PPP1R16B: variants seen among roughly 807,000 people sequenced by gnomAD.
PPP1R16B encodes the protein protein phosphatase 1 regulatory subunit 16B.
PPP1R16B carries 14 observed loss-of-function variants against 61.7 expected under a neutral mutation model. The ratio of observed to expected loss-of-function variants is 0.23; its 90% CI spans 0.15 to 0.35. The LOEUF (loss-of-function observed/expected upper bound fraction) is 0.35, where lower values mean the gene tolerates loss of function less well. PPP1R16B is among the 10% of genes least tolerant of loss of function. PPP1R16B has a pLI of 1.00. For missense variants in PPP1R16B, 547 were observed against 752.5 expected (o/e 0.73, Z 3.19); for synonymous variants, 266 against 305.3 (o/e 0.87, Z 1.34).
intron 2 of PPP1R16B, among the ~76,000 whole-genome samples, chr20:38,865,583 G>A (rs1191997101): frequency 6.6e-6 from 1 of 152,086 alleles, no homozygotes; most frequent in East Asian, 1.9e-4. Flanking sequence ...GAGCCGCCGC[G>A]CCCGGCCTGC....
At chr20:38,899,348 G>T (rs1267403757) in intron 4 of PPP1R16B, among the ~76,000 whole-genome samples, 1 of 152,178 alleles carries the variant, frequency 6.6e-6, no homozygotes, top group African/African-American at 2.4e-5. Context: ...GACAAGGAAA[G>T]TGGTGCCAGC....
chr20:38,894,413 G>T (rs2085319026), intron 3 of PPP1R16B, among the ~76,000 whole-genome samples: 1 of 152,200 alleles, frequency 6.6e-6, no homozygotes, highest in African/African-American at 2.4e-5. Context: ...TAACTGGGTG[G>T]CTTCAACACA....
chr20:38,864,303 A>C (rs1449678921), intron 2 of PPP1R16B, among the ~76,000 whole-genome samples: 1 of 152,200 alleles, frequency 6.6e-6, no homozygotes, highest in Non-Finnish European at 1.5e-5. Flanking sequence ...ATTTTAAAAA[A>C]CTGAAATGTA....
chr20:38,883,650 A>G (rs1286918712), intron 2 of PPP1R16B, among the ~76,000 whole-genome samples: 1 of 152,218 alleles, frequency 6.6e-6, no homozygotes, highest in African/African-American at 2.4e-5. Flanking sequence ...GAACCAGCAT[A>G]TGCTCAGAGC....
intron 1 of PPP1R16B, among the ~76,000 whole-genome samples, chr20:38,820,895 G>A (rs1461722026): frequency 6.6e-6 from 1 of 151,524 alleles, no homozygotes; most frequent in African/African-American, 2.4e-5. Context: ...ATAAAAATTA[G>A]CTAGGCATGG....
At chr20:38,884,787 G>A (rs2085230448) in intron 2 of PPP1R16B, among the ~76,000 whole-genome samples, 2 of 151,230 alleles carry the variant, frequency 1.3e-5, no homozygotes, top group African/African-American at 2.4e-5. Flanking sequence ...AAAAGAAGGC[G>A]GCGGACAGGC....
chr20:38,861,810 G>A (rs2085053629), intron 2 of PPP1R16B, among the ~76,000 whole-genome samples: 1 of 151,766 alleles, frequency 6.6e-6, no homozygotes, highest in Admixed American at 6.6e-5. Flanking sequence ...CCGAGTAGCT[G>A]GGATTACAGG....
chr20:38,812,980 G>T (rs1384608059), intron 1 of PPP1R16B, among the ~76,000 whole-genome samples: 2 of 152,118 alleles, frequency 1.3e-5, no homozygotes, highest in East Asian at 3.8e-4. Flanking sequence ...GCTCCCAGGG[G>T]GTGTCAAGCT....
intron 2 of PPP1R16B, among the ~76,000 whole-genome samples, chr20:38,868,480 G>A (rs1601275203): frequency 6.6e-6 from 1 of 152,048 alleles, no homozygotes; most frequent in East Asian, 1.9e-4. Context: ...TGTCTCCTGG[G>A]TTCAAGTGAT....
In PPP1R16B at chr20:38,909,193, G is replaced by C. The variant is rs562056939; in HGVS notation, c.1194+1000G>C. The stretch of plus-strand genomic sequence containing the variant: ...ATTTTCAAATTTCTTGTAGAGATGA[G>C]GTCTTGCTGTGTTGCCCAGGCTGGC... On this transcript the variant is annotated intron_variant, in intron 10 of 10. Transcript: ENST00000299824. Among the ~76,000 whole-genome samples, 4 of 152,178 alleles carry C rather than the reference G, an allele frequency of 2.6e-5. No homozygotes were observed. In the South Asian group the frequency reaches 8.3e-4, roughly 32 times the overall value.
At chr20:38,887,084 G>A (rs956951001) in intron 2 of PPP1R16B, among the ~76,000 whole-genome samples, 1 of 151,986 alleles carries the variant, frequency 6.6e-6, no homozygotes, top group African/African-American at 2.4e-5. Flanking sequence ...AGTGTTAGAG[G>A]CAGATGCATG....
At chr20:38,863,825 C>T (rs531223624) in intron 2 of PPP1R16B, among the ~76,000 whole-genome samples, 6 of 152,196 alleles carry the variant, frequency 3.9e-5, no homozygotes, top group Non-Finnish European at 7.3e-5. Flanking sequence ...AGCCCAGCAG[C>T]GCTATTCCTA....
chr20:38,860,963 C>T (rs760908486), intron 2 of PPP1R16B, among the ~76,000 whole-genome samples: 1 of 152,204 alleles, frequency 6.6e-6, no homozygotes, highest in Non-Finnish European at 1.5e-5. Context: ...CATGCTCTTC[C>T]TCCCACTGGG....
chr20:38,826,130 G>A (rs2084803945), intron 1 of PPP1R16B, among the ~76,000 whole-genome samples: 1 of 152,206 alleles, frequency 6.6e-6, no homozygotes, highest in Non-Finnish European at 1.5e-5. Context: ...TAACCCAGGA[G>A]TGTGTTCGGT....
chr20:38,867,682 T>A (rs1398583294), intron 2 of PPP1R16B, among the ~76,000 whole-genome samples: 1 of 152,062 alleles, frequency 6.6e-6, no homozygotes, highest in Non-Finnish European at 1.5e-5. Flanking sequence ...GATTCTTTTT[T>A]TTCCCCCCGA....
chr20:38,900,663 G>A lies in PPP1R16B; in HGVS notation c.550G>A (p.Glu184Lys), dbSNP rs868784227. Reference sequence around the variant, plus strand: ...GGATGAACCCACCCTGGATGTCATCGAGACCTGCATGGCATACCAGGGTAA... The same window carrying A: ...GGATGAACCCACCCTGGATGTCATCAAGACCTGCATGGCATACCAGGGTAA... Reference protein sequence around the residue: ...CEDEPTLDVIETCMAYQGITQ... With the variant: ...CEDEPTLDVIKTCMAYQGITQ... The change falls in exon 5 of 11, where the codon GAG becomes AAG. Residue 184 changes from glutamate (E) to lysine (K), a missense_variant. Coordinates refer to ENST00000299824, the MANE Select transcript of PPP1R16B (RefSeq NM_015568.4). 6.3e-7 allele frequency: 1 copy of A among 1,592,804 alleles called. No individual in the cohort carries two copies. The highest frequency in any genetic ancestry group is 8.5e-7 in the Non-Finnish European group (1 of 1,171,522).
At chr20:38,833,514 C>G (rs1313818541) in intron 1 of PPP1R16B, among the ~76,000 whole-genome samples, 2 of 152,208 alleles carry the variant, frequency 1.3e-5, no homozygotes, top group Non-Finnish European at 2.9e-5. Context: ...CTGGGATAAA[C>G]TGGGTGAAGT....
At chr20:38,817,331 G>A (rs2084741831) in intron 1 of PPP1R16B, among the ~76,000 whole-genome samples, 1 of 152,150 alleles carries the variant, frequency 6.6e-6, no homozygotes, top group East Asian at 1.9e-4. Flanking sequence ...GGGAGGCCAA[G>A]CTGGGCGGAT....
At chr20:38,846,112 G>A (rs1424388854) in intron 2 of PPP1R16B, among the ~76,000 whole-genome samples, 2 of 152,182 alleles carry the variant, frequency 1.3e-5, no homozygotes, top group Admixed American at 1.3e-4. Context: ...GAGGGAGGAG[G>A]GGATTTGGAG....
Sources: allele counts gnomAD v4.1 joint callset (sites outside exome capture counted in the v4.1 genomes callset), GRCh38; gene constraint gnomAD v4.1.1; transcripts MANE v1.5; gene names NCBI Gene and HGNC (gene_info 2026-07-23, HGNC 2026-07-21).